Variants in ADCY2 observed in about 807,000 individuals in gnomAD.
ADCY2 encodes adenylate cyclase type 2.
ADCY2 carries 31 observed loss-of-function variants against 125.2 expected under a neutral mutation model. The ratio of observed to expected loss-of-function variants is 0.25; its 90% CI spans 0.19 to 0.33. The LOEUF (loss-of-function observed/expected upper bound fraction) is 0.33, where lower values mean the gene tolerates loss of function less well. Among genes scored for constraint, ADCY2 ranks in the 10% least tolerant of loss-of-function variants. The pLI, the probability that ADCY2 is intolerant of heterozygous loss-of-function variation, is 1.00. For missense variants in ADCY2, 904 were observed against 1,418.2 expected, an observed-to-expected ratio of 0.64 and a Z score of 5.82; for synonymous variants, 512 against 548.4, an observed-to-expected ratio of 0.93 and a Z score of 0.93.
chr5:7,688,445 T>A (rs1326819856), intron 4 of ADCY2, among the ~76,000 whole-genome samples: 1 of 151,892 alleles, frequency 6.6e-6, no homozygotes, highest in African/African-American at 2.4e-5. Flanking sequence ...TTTTTTTTAT[T>A]TTTAGTAGAG....
In ADCY2 at chr5:7,697,899, G is replaced by A. The variant is rs113008535; in HGVS notation, c.982-348G>A. ...TTTCTACTCTGAAAGACTCAGCTGG[G>A]CATAGAATGTTTTATTTCACCCTTA... is the stretch of plus-strand genomic sequence containing the variant. On this transcript the variant is annotated intron_variant, in intron 6 of 24. Coordinates refer to ENST00000338316, the MANE Select transcript of ADCY2 (RefSeq NM_020546.3). Among the ~76,000 whole-genome samples the A allele has an allele frequency of 7.2e-3, 1,097 of 152,292 alleles. 5 individuals are homozygous for A. Among genetic ancestry groups the A allele is most frequent in the Non-Finnish European group, 0.011 (776 of 68,024 alleles).
At chr5:7,479,016 G>C (rs553064521) in intron 2 of ADCY2, among the ~76,000 whole-genome samples, 87 of 151,758 alleles carry the variant, frequency 5.7e-4, no homozygotes, top group African/African-American at 2.1e-3. Context: ...AACTTTTTTC[G>C]CTCATATTAT....
At chr5:7,577,009 T>C (rs1295045250) in intron 3 of ADCY2, among the ~76,000 whole-genome samples, 1 of 152,234 alleles carries the variant, frequency 6.6e-6, no homozygotes, top group African/African-American at 2.4e-5. Flanking sequence ...AATTAAGCAG[T>C]CCCAACATCT....
At chr5:7,672,985 GAGACACTAT>G (rs1739983615) in intron 4 of ADCY2, among the ~76,000 whole-genome samples, 1 of 151,952 alleles carries the variant, frequency 6.6e-6, no homozygotes, top group African/African-American at 2.4e-5. Flanking sequence ...TCTGAGGCTG[GAGACACTAT>G]AGTATCCCAC....
chr5:7,693,412 TG>T (rs58000526), intron 5 of ADCY2, among the ~76,000 whole-genome samples: 56,087 of 114,926 alleles, frequency 0.49, 12,658 homozygotes, highest in East Asian at 0.76. Context: ...TGCTGTTTTT[TG>T]TTTTTTTTTT....
chr5:7,595,374 T>C (rs1400081378), intron 3 of ADCY2, among the ~76,000 whole-genome samples: 1 of 152,248 alleles, frequency 6.6e-6, no homozygotes, highest in East Asian at 1.9e-4. Context: ...ACCTTTGTTG[T>C]GTTAATGTTT....
intron 2 of ADCY2, among the ~76,000 whole-genome samples, chr5:7,423,314 A>T (rs2126355898): frequency 6.7e-6 from 1 of 150,246 alleles, no homozygotes; most frequent in African/African-American, 2.5e-5. Context: ...TCCCAGCCAG[A>T]GCGTTGAGAA....
chr5:7,501,292 C>G (rs1743559518), intron 2 of ADCY2, among the ~76,000 whole-genome samples: 1 of 152,120 alleles, frequency 6.6e-6, no homozygotes, highest in Non-Finnish European at 1.5e-5. Context: ...CCTAGAGGTC[C>G]TAAGCACACA....
chr5:7,611,178 A>C (rs999779987), intron 3 of ADCY2: 1 of 152,232 alleles, frequency 6.6e-6, no homozygotes, highest in Non-Finnish European at 1.5e-5. Context: ...TTTAAACTGT[A>C]GGTAAACTCT....
chr5:7,652,857 A>G (rs1444046136), intron 4 of ADCY2, among the ~76,000 whole-genome samples: 2 of 152,230 alleles, frequency 1.3e-5, no homozygotes, highest in Non-Finnish European at 2.9e-5. Flanking sequence ...ACCAAGACAC[A>G]CTGACCTGTC....
At chr5:7,582,467 A>G (rs1736467907) in intron 3 of ADCY2, among the ~76,000 whole-genome samples, 1 of 152,292 alleles carries the variant, frequency 6.6e-6, no homozygotes, top group Admixed American at 6.5e-5. Context: ...AAGATCGTAG[A>G]AAAGAAAATG....
intron 4 of ADCY2, among the ~76,000 whole-genome samples, chr5:7,684,842 G>A (rs1327424561): frequency 6.7e-6 from 1 of 149,796 alleles, no homozygotes; most frequent in East Asian, 2.0e-4. Context: ...GGTTTGTTAA[G>A]TGAGAAAATA....
At chr5:7,712,514 G>A (rs1444905273) in intron 10 of ADCY2, among the ~76,000 whole-genome samples, 1 of 152,164 alleles carries the variant, frequency 6.6e-6, no homozygotes, top group South Asian at 2.1e-4. Flanking sequence ...TTTTCACATG[G>A]TCATAGGTTA....
At chr5:7,452,154 C>T (rs1741497906) in intron 2 of ADCY2, among the ~76,000 whole-genome samples, 1 of 152,120 alleles carries the variant, frequency 6.6e-6, no homozygotes, top group Admixed American at 6.6e-5. Flanking sequence ...CTCAGGTGAT[C>T]TGCCTGCCTC....
intron 3 of ADCY2, chr5:7,522,285 G>A (rs868295436): frequency 1.9e-4 from 29 of 152,298 alleles, no homozygotes; most frequent in African/African-American, 6.5e-4. Context: ...TACATCCCCA[G>A]CACTTATTCA....
chr5:7,600,928 C>T (rs1414205176), intron 3 of ADCY2, among the ~76,000 whole-genome samples: 2 of 152,136 alleles, frequency 1.3e-5, no homozygotes, highest in Admixed American at 6.5e-5. Flanking sequence ...TTCATGTAAT[C>T]AGAAAGTTCA....
At chr5:7,401,361 G>A (rs866114503) in intron 1 of ADCY2, among the ~76,000 whole-genome samples, 25 of 152,140 alleles carry the variant, frequency 1.6e-4, no homozygotes, top group African/African-American at 6.0e-4. Flanking sequence ...CAACTGCTAC[G>A]CTGTCACAGG....
At chr5:7,684,270 C>T (rs1740437504) in intron 4 of ADCY2, among the ~76,000 whole-genome samples, 1 of 152,176 alleles carries the variant, frequency 6.6e-6, no homozygotes. Flanking sequence ...GGTGCACCAG[C>T]CTGCAGGGCT....
intron 3 of ADCY2, among the ~76,000 whole-genome samples, chr5:7,601,586 T>A (rs555699308): frequency 6.6e-6 from 1 of 152,296 alleles, no homozygotes; most frequent in African/African-American, 2.4e-5. Flanking sequence ...AGAAACTTCT[T>A]AAACAATATG....
Sources: allele counts gnomAD v4.1 joint callset (sites outside exome capture counted in the v4.1 genomes callset), GRCh38; gene constraint gnomAD v4.1.1; transcripts MANE v1.5; gene names NCBI Gene and HGNC (gene_info 2026-07-23, HGNC 2026-07-21).